Variants in LEPROTL1 observed in about 807,000 individuals in gnomAD.
The protein encoded by LEPROTL1 is leptin receptor overlapping transcript-like 1.
LEPROTL1 carries 6 observed loss-of-function variants against 15.4 expected under a neutral mutation model. That is an observed-to-expected ratio of 0.39 (90% CI 0.21 to 0.77). The LOEUF (loss-of-function observed/expected upper bound fraction) is 0.77. Ranked by LOEUF, LEPROTL1 falls within the 30% of genes least tolerant of loss-of-function variation. LEPROTL1 has a pLI of 0.41. For missense variants in LEPROTL1, 128 were observed against 158.1 expected, an observed-to-expected ratio of 0.81 and a Z score of 1.02; for synonymous variants, 56 against 52.6, an observed-to-expected ratio of 1.06 and a Z score of -0.28.
intron 1 of LEPROTL1, chr8:30,096,092 T>C (rs936315738): frequency 5.9e-6 from 1 of 170,254 alleles, no homozygotes; most frequent in East Asian, 1.9e-4. Context: ...CTGCGGTGTC[T>C]GGACCCTAGA....
chr8:30,096,405 A>G (rs553888331), intron 1 of LEPROTL1: 1 of 985,272 alleles, frequency 1.0e-6, no homozygotes, highest in South Asian at 4.7e-5. Flanking sequence ...GTAGAAGGGC[A>G]GTCAGGCAGG....
chr8:30,116,572 A>G (rs557405882), intron 3 of LEPROTL1, among the ~76,000 whole-genome samples: 3 of 151,366 alleles, frequency 2.0e-5, no homozygotes, highest in Admixed American at 2.0e-4. Context: ...CCAGCTGCTT[A>G]CCTCCTGCTC....
In LEPROTL1 at chr8:30,106,028, T is replaced by G; in HGVS notation, c.*166T>G. 1 of 1,199,696 alleles carries G rather than the reference T, an allele frequency of 8.3e-7. No individual in the cohort carries two copies. The highest frequency in any genetic ancestry group is 1.0e-6 in the Non-Finnish European group (1 of 958,928). 74.3% of individuals were successfully genotyped at this position (1,199,696 alleles called of 1,614,324 possible). ...GTAAGCATACTATTTTCACAGAGAC[T>G]TGCTGAAGGATTAAAAGGATTTTCT... On this transcript the variant is annotated 3_prime_UTR_variant, in exon 4 of 4. Transcript: ENST00000321250.
At chr8:30,118,744 G>T (rs61277645) in intron 3 of LEPROTL1, among the ~76,000 whole-genome samples, 3,498 of 152,282 alleles carry the variant, frequency 0.023, 135 homozygotes, top group African/African-American at 0.08. Context: ...AATGTGTCAG[G>T]AGAGCAGGGT....
chr8:30,126,633 G>A (rs1802911039), intron 3 of LEPROTL1, among the ~76,000 whole-genome samples: 1 of 152,158 alleles, frequency 6.6e-6, no homozygotes, highest in African/African-American at 2.4e-5. Context: ...CTAAACCTGG[G>A]ACATACATTA....
At chr8:30,135,386 G>A (rs763837328) in intron 4 of LEPROTL1, among the ~76,000 whole-genome samples, 19 of 152,162 alleles carry the variant, frequency 1.2e-4, no homozygotes, top group East Asian at 1.9e-4. Flanking sequence ...GAAATTTGCC[G>A]TAGAGGAAAT....
intron 4 of LEPROTL1, among the ~76,000 whole-genome samples, chr8:30,134,754 G>C (rs1472078807): frequency 6.6e-6 from 1 of 152,158 alleles, no homozygotes; most frequent in African/African-American, 2.4e-5. Context: ...CGCCATGTCT[G>C]CCAGGCTGGT....
chr8:30,132,969 A>G (rs1803059667), intron 4 of LEPROTL1: 13 of 1,444,312 alleles, frequency 9.0e-6, no homozygotes, highest in Admixed American at 2.7e-5. Flanking sequence ...CTCTTATTCC[A>G]GTCTGTCATA....
chr8:30,127,668 CAAAA>C (rs5890499), intron 3 of LEPROTL1, among the ~76,000 whole-genome samples: 2 of 97,876 alleles, frequency 2.0e-5, no homozygotes, highest in African/African-American at 7.5e-5. Flanking sequence ...GACCCTGTCT[CAAAA>C]AAAAAAAAAA....
chr8:30,132,533 A>C (rs1563220600), intron 4 of LEPROTL1: 2 of 1,551,526 alleles, frequency 1.3e-6, no homozygotes, highest in Non-Finnish European at 1.7e-6. Context: ...ACATAGATGC[A>C]CTCGAATTGC....
chr8:30,123,934 C>T (rs958877717), intron 3 of LEPROTL1, among the ~76,000 whole-genome samples: 1 of 150,444 alleles, frequency 6.6e-6, no homozygotes, highest in African/African-American at 2.4e-5. Flanking sequence ...TAAGAACATT[C>T]TGGATAGAAG....
chr8:30,129,719 A>T (rs954880019), intron 3 of LEPROTL1, among the ~76,000 whole-genome samples: 279 of 144,226 alleles, frequency 1.9e-3, no homozygotes, highest in African/African-American at 2.4e-3. Flanking sequence ...TGTCACACAC[A>T]CACACACACA....
At chr8:30,095,791 C>T (rs1457157068) in intron 1 of LEPROTL1, 1 of 700,964 alleles carries the variant, frequency 1.4e-6, no homozygotes, top group East Asian at 2.7e-5. Flanking sequence ...ACCCATCGCC[C>T]CCCGGACAAA....
chr8:30,100,769 A>C (rs1426000191), intron 1 of LEPROTL1, among the ~76,000 whole-genome samples: 3 of 152,170 alleles, frequency 2.0e-5, no homozygotes, highest in African/African-American at 7.2e-5. Context: ...TCTTTGCTTT[A>C]GTCTAGGTCA....
At chr8:30,137,087 G>A (rs1803164132) in intron 4 of LEPROTL1, among the ~76,000 whole-genome samples, 1 of 152,066 alleles carries the variant, frequency 6.6e-6, no homozygotes, top group South Asian at 2.1e-4. Flanking sequence ...TCAGATAGGT[G>A]ACCGCCTGGA....
chr8:30,114,197 T>C (rs1036981188), intron 3 of LEPROTL1, among the ~76,000 whole-genome samples: 2 of 152,070 alleles, frequency 1.3e-5, no homozygotes, highest in African/African-American at 4.8e-5. Context: ...CCTGAGACAA[T>C]GAACCCAGAA....
At chr8:30,096,176 A>G in intron 1 of LEPROTL1, 2 of 758,848 alleles carry the variant, frequency 2.6e-6, no homozygotes, top group Non-Finnish European at 3.1e-6. Context: ...AGGCTTTTTC[A>G]AATTTCAAAA....
chr8:30,095,467 T>TGCCGCCGCC lies in LEPROTL1; in HGVS notation c.-42_-34dup, dbSNP rs762120775. ...TCTTGGGTCTCCCGGCTGCCGCTGC[T>TGCCGCCGCC]GCCGCCGCCGCCTCGGGTCGTGGAG... On this transcript the variant is annotated 5_prime_UTR_variant, in exon 1 of 4. Coordinates refer to ENST00000321250, the MANE Select transcript of LEPROTL1 (RefSeq NM_015344.3). 5 of 1,463,946 alleles carry TGCCGCCGCC rather than the reference T, an allele frequency of 3.4e-6. No individual in the cohort carries two copies. Among genetic ancestry groups the TGCCGCCGCC allele is most frequent in the South Asian group, 1.3e-5 (1 of 77,032 alleles). The allele number at this position is 1,463,946 out of a possible 1,614,324, so 90.7% of individuals were successfully genotyped here.
At chr8:30,099,533 C>T (rs190834270) in intron 1 of LEPROTL1, among the ~76,000 whole-genome samples, 143 of 136,998 alleles carry the variant, frequency 1.0e-3, no homozygotes, top group African/African-American at 3.8e-3. Context: ...ACCTGGGAGG[C>T]GGAGGTTGCA....
Sources: allele counts gnomAD v4.1 joint callset (sites outside exome capture counted in the v4.1 genomes callset), GRCh38; gene constraint gnomAD v4.1.1; transcripts MANE v1.5; gene names NCBI Gene and HGNC (gene_info 2026-07-23, HGNC 2026-07-21).